EYS: variants seen among roughly 807,000 people sequenced by gnomAD.
EYS encodes EGF-like photoreceptor maintenance factor.
EYS carries 250 observed loss-of-function variants against 282.1 expected under a neutral mutation model. The observed-to-expected ratio is 0.89, with a 90% confidence interval of 0.80 to 0.98. EYS has a LOEUF of 0.98. Among genes scored for constraint, EYS ranks in the 50% least tolerant of loss-of-function variants. The pLI is 0.00. For synonymous variants in EYS, 1,355 were observed against 1,282.9 expected (o/e 1.06, Z -1.20); for missense variants, 4,016 against 3,709.0 (o/e 1.08, Z -2.15).
intron 33 of EYS, among the ~76,000 whole-genome samples, chr6:64,012,620 C>T (rs1768690945): frequency 1.3e-5 from 2 of 152,134 alleles, no homozygotes; most frequent in Admixed American, 6.6e-5. Flanking sequence ...TACAGCTTTC[C>T]TTACCACTTC....
Position 64,417,671 on chromosome 6 carries a change from CTTT to C in EYS, c.5927+18500_5927+18502del, listed in dbSNP as rs11414644. ...GCATATTCTTACCTGTAAGGGTTGGCTTTTTTTTTTTTTTTTTTTGACAGCGTC... is the reference window on the plus strand; with the variant it reads ...GCATATTCTTACCTGTAAGGGTTGGCTTTTTTTTTTTTTTTTGACAGCGTC... On this transcript the variant is annotated intron_variant, in intron 28 of 42. Coordinates refer to ENST00000503581, the MANE Select transcript of EYS (RefSeq NM_001142800.2). Among the ~76,000 whole-genome samples the C allele has an allele frequency of 5.6e-3, 695 of 123,974 alleles. 4 individuals carry two copies. Among genetic ancestry groups the C allele is most frequent in the Non-Finnish European group, 7.0e-3 (435 of 62,062 alleles). 81.3% of individuals were successfully genotyped at this position (123,974 alleles called of 152,430 possible). A position where few individuals can be genotyped will look rare whatever the true frequency, so the allele number is the denominator to read the frequency against.
intron 19 of EYS, among the ~76,000 whole-genome samples, chr6:64,845,118 G>A (rs575401545): frequency 2.0e-5 from 3 of 152,018 alleles, no homozygotes; most frequent in African/African-American, 4.8e-5. Context: ...GTAAGACCTG[G>A]TCCCTATAAA....
Position 64,626,259 on chromosome 6 carries a change from AT to A in EYS, c.3444-15del, listed in dbSNP as rs546966286. On this transcript the variant is annotated splice_polypyrimidine_tract_variant and intron_variant, in intron 22 of 42. Coordinates refer to ENST00000503581, the MANE Select transcript of EYS (RefSeq NM_001142800.2). ...CCAGGAAGACATCTAAGGAAAAAAA[AT>A]GAAAACGATATTTGTATATATTATA... 156 of 1,519,326 alleles carry A rather than the reference AT, an allele frequency of 1.0e-4. No individual in the cohort carries two copies. The African/African-American group carries it at 2.0e-3, about 20-fold the overall frequency. The allele number at this position is 1,519,326 out of a possible 1,614,324, so 94.1% of individuals were successfully genotyped here.
intron 13 of EYS, among the ~76,000 whole-genome samples, chr6:65,049,801 G>T (rs1773211372): frequency 1.3e-5 from 2 of 151,632 alleles, no homozygotes; most frequent in Admixed American, 6.6e-5. Flanking sequence ...AAAACGTACG[G>T]TATAGTTAAA....
intron 12 of EYS, among the ~76,000 whole-genome samples, chr6:65,215,442 A>C (rs1766289163): frequency 6.6e-6 from 1 of 152,216 alleles, no homozygotes; most frequent in African/African-American, 2.4e-5. Flanking sequence ...CAATCTCATG[A>C]TAAAACTTGT....
intron 22 of EYS, among the ~76,000 whole-genome samples, chr6:64,698,175 T>C (rs1366332034): frequency 6.6e-6 from 1 of 152,118 alleles, no homozygotes; most frequent in Non-Finnish European, 1.5e-5. Flanking sequence ...ACCTTTGGGA[T>C]ATAGCAAAAG....
At chr6:64,247,252 C>A (rs1767050675) in intron 30 of EYS, among the ~76,000 whole-genome samples, 1 of 152,094 alleles carries the variant, frequency 6.6e-6, no homozygotes, top group Non-Finnish European at 1.5e-5. Flanking sequence ...AGTCAGTAAT[C>A]AAGGTGACAT....
chr6:64,820,976 T>G (rs1370444487), intron 21 of EYS, among the ~76,000 whole-genome samples: 1 of 152,040 alleles, frequency 6.6e-6, no homozygotes, highest in Non-Finnish European at 1.5e-5. Context: ...GTTTGTATGC[T>G]TCCTCCCTTT....
chr6:65,617,457 G>T (rs907100981), intron 2 of EYS, among the ~76,000 whole-genome samples: 6 of 151,790 alleles, frequency 4.0e-5, no homozygotes, highest in African/African-American at 4.8e-5. Flanking sequence ...CATAAAATTA[G>T]CAAGGTATAT....
chr6:65,464,034 T>A (rs1260186547), intron 5 of EYS, among the ~76,000 whole-genome samples: 1 of 152,172 alleles, frequency 6.6e-6, no homozygotes, highest in Non-Finnish European at 1.5e-5. Context: ...AAAATCTACC[T>A]ATTTTCTTTT....
chr6:65,695,435 G>C (rs1001765178), intron 1 of EYS, among the ~76,000 whole-genome samples: 3 of 152,012 alleles, frequency 2.0e-5, no homozygotes, highest in African/African-American at 4.8e-5. Context: ...AAATTCTACT[G>C]CATTTATTGA....
At chr6:65,568,837 C>A (rs572562049) in intron 2 of EYS, among the ~76,000 whole-genome samples, 17 of 152,180 alleles carry the variant, frequency 1.1e-4, no homozygotes, top group African/African-American at 4.1e-4. Flanking sequence ...ATAAAAAACA[C>A]TGATGAAACC....
At chr6:64,145,773 C>T (rs1774496051) in intron 31 of EYS, among the ~76,000 whole-genome samples, 1 of 151,982 alleles carries the variant, frequency 6.6e-6, no homozygotes, top group Admixed American at 6.6e-5. Context: ...AAAATAGTAC[C>T]ATAGGAAGAT....
At chr6:65,627,760 G>A (rs1359884971) in intron 2 of EYS, among the ~76,000 whole-genome samples, 1 of 152,200 alleles carries the variant, frequency 6.6e-6, no homozygotes, top group Non-Finnish European at 1.5e-5. Context: ...ATTTCTCACC[G>A]AGCCTTAGCT....
chr6:63,989,996 A>G (rs1273516441), intron 34 of EYS, among the ~76,000 whole-genome samples: 1 of 151,604 alleles, frequency 6.6e-6, no homozygotes, highest in African/African-American at 2.4e-5. Context: ...AAATTTTCTC[A>G]GAATAATATC....
rs66464915 is a variant in EYS, at chr6:65,693,404, C to CT, written c.-448+13730dup. On this transcript the variant is annotated intron_variant, in intron 1 of 42. Coordinates refer to ENST00000503581, the MANE Select transcript of EYS (RefSeq NM_001142800.2). ...AGCAAACAATCTTCTTTTTTCCTTT[C>CT]TTTTTTTTTTTTTTTTTTTTAAGTC... Among the ~76,000 whole-genome samples the CT allele has an allele frequency of 7.3e-4, 92 of 125,272 alleles. 2 individuals are homozygous for CT. The highest frequency in any genetic ancestry group is 1.4e-3 in the African/African-American group (50 of 34,998). The allele number at this position is 125,272 out of a possible 152,430, so 82.2% of individuals were successfully genotyped here.
At chr6:63,807,521 G>C (rs576220987) in intron 36 of EYS, among the ~76,000 whole-genome samples, 1 of 152,190 alleles carries the variant, frequency 6.6e-6, no homozygotes, top group Non-Finnish European at 1.5e-5. Flanking sequence ...ATTAAACTAA[G>C]ATATTTGTGT....
intron 26 of EYS, among the ~76,000 whole-genome samples, chr6:64,571,819 C>T (rs1302714470): frequency 1.3e-5 from 2 of 152,080 alleles, no homozygotes; most frequent in East Asian, 1.9e-4. Context: ...AGGATCAGAT[C>T]GATTCACAGG....
At chr6:63,760,604 C>T (rs1490951101) in intron 41 of EYS, among the ~76,000 whole-genome samples, 3 of 151,944 alleles carry the variant, frequency 2.0e-5, no homozygotes, top group African/African-American at 2.4e-5. Flanking sequence ...AATCTCATTA[C>T]TCTGACTATT....
Sources: allele counts gnomAD v4.1 joint callset (sites outside exome capture counted in the v4.1 genomes callset), GRCh38; gene constraint gnomAD v4.1.1; transcripts MANE v1.5; gene names NCBI Gene and HGNC (gene_info 2026-07-23, HGNC 2026-07-21).